Variants in CPNE7 observed in about 807,000 individuals in gnomAD.
CPNE7 encodes the protein copine 7.
A neutral mutation model predicts 66.5 loss-of-function variants in CPNE7; 78 were observed. The ratio of observed to expected loss-of-function variants is 1.17; its 90% CI spans 0.98 to 1.42. The LOEUF is 1.42. Ranked by LOEUF, CPNE7 falls within the 40% of genes most tolerant of loss-of-function variation. CPNE7 has a pLI of 0.00. For missense variants in CPNE7, 1,012 were observed against 776.6 expected, an observed-to-expected ratio of 1.30 and a Z score of -3.60; for synonymous variants, 468 against 336.7, an observed-to-expected ratio of 1.39 and a Z score of -4.27.
At position 89,584,885 on chromosome 16, in the gene CPNE7, G is replaced by A. The variant is rs575891638; in HGVS notation, c.591+28G>A. 1.6e-5 allele frequency: 25 copies of A among 1,592,770 alleles called. No individual in the cohort carries two copies. In the South Asian group the frequency reaches 2.5e-4, roughly 16 times the overall value. On this transcript the variant is annotated intron_variant, in intron 5 of 14. Transcript: ENST00000319518. This position sits in a 1 kb window ranked among gnomAD's most constrained non-coding sequence, Gnocchi z 6.0. ...GAGCGGCCGGGGATGGGAACACAGGGAGGGGAAGGGGCTGTCCCCAGCCCT... is the reference window on the plus strand; with the variant it reads ...GAGCGGCCGGGGATGGGAACACAGGAAGGGGAAGGGGCTGTCCCCAGCCCT...
intron 1 of CPNE7, 64 bp downstream of exon 1, chr16:89,576,135 C>T: frequency 1.6e-6 from 2 of 1,215,378 alleles, no homozygotes; most frequent in Non-Finnish European, 2.1e-6. Flanking sequence ...GCTGGGGATG[C>T]GGAGACCAGA....
In CPNE7 at chr16:89,588,750, C is replaced by G. The variant is rs752994497; in HGVS notation, c.1003C>G (p.Pro335Ala). 6 of 1,613,650 alleles carry G rather than the reference C, an allele frequency of 3.7e-6. No individual in the cohort carries two copies. In the African/African-American group the frequency reaches 8.0e-5, roughly 22 times the overall value. ...CSLHYINPYQPNEYLKALVSV... is the reference protein window; with the variant it reads ...CSLHYINPYQANEYLKALVSV... ...CCTGCACTACATCAACCCCTACCAGCCGAACGAGTACCTGAAGGCACTGGT... is the reference window on the plus strand; with the variant it reads ...CCTGCACTACATCAACCCCTACCAGGCGAACGAGTACCTGAAGGCACTGGT... The change falls in exon 10 of 15, where the codon CCG (proline) becomes GCG (alanine). Residue 335 changes from proline to alanine, a missense_variant. Physicochemically the swap from Pro to Ala is conservative, Grantham distance 27. Transcript: ENST00000319518.
At chr16:89,576,133 T>A in intron 1 of CPNE7, 62 bp downstream of exon 1, 1 of 1,219,312 alleles carries the variant, frequency 8.2e-7, no homozygotes, top group Middle Eastern at 3.2e-4. Context: ...GAGCTGGGGA[T>A]GCGGAGACCA....
Position 89,583,627 on chromosome 16 carries a change from C to T in CPNE7, c.358-70C>T, listed in dbSNP as rs1443575332. 33 of 1,605,484 alleles carry T rather than the reference C, an allele frequency of 2.1e-5. 1 individual carries two copies. Among genetic ancestry groups the T allele is most frequent in the Middle Eastern group, 1.7e-4 (1 of 6,036 alleles). On this transcript the variant is annotated intron_variant, in intron 2 of 14. Transcript: ENST00000319518. ...ACAGGCCTGAGAGTCCGGGTGAGGG[C>T]GCGGTGGGGTCTCCAGGGTCAGGAG...
chr16:89,589,975 C>G (rs763652647), intron 11 of CPNE7, 24 bp downstream of exon 11: 5 of 1,612,892 alleles, frequency 3.1e-6, no homozygotes, highest in Non-Finnish European at 4.2e-6. Flanking sequence ...GAACCTGAGA[C>G]CTCAGAGCTG....
In CPNE7 at chr16:89,596,714, C is replaced by T. The variant is rs1167832165; in HGVS notation, c.*93C>T. The T allele has an allele frequency of 5.9e-6, 8 of 1,351,466 alleles. No individual in the cohort carries two copies. Among genetic ancestry groups the T allele is most frequent in the Admixed American group, 6.2e-5 (2 of 32,222 alleles). 83.7% of individuals were successfully genotyped at this position (1,351,466 alleles called of 1,614,324 possible). A position where few individuals can be genotyped will look rare whatever the true frequency, so the allele number is the denominator to read the frequency against. ...TGGGGTCCCTTAAGCTCCCTCCGAC[C>T]TCCCAGAAGCCTCCAGTCCCCACCA... On this transcript the variant is annotated 3_prime_UTR_variant, in exon 15 of 15. Coordinates refer to ENST00000319518, the MANE Select transcript of CPNE7 (RefSeq NM_153636.3).
chr16:89,584,869 G>A lies in CPNE7; in HGVS notation c.591+12G>A. ...TGTACAGGACGGAGGTGAGCGGCCG[G>A]GGATGGGAACACAGGGAGGGGAAGG... On this transcript the variant is annotated intron_variant, in intron 5 of 14. Transcript: ENST00000319518. The surrounding 1 kb of genome is among the most constrained non-coding windows in gnomAD (Gnocchi z 6.0). 2 of 1,611,720 alleles carry A rather than the reference G, an allele frequency of 1.2e-6. No individual in the cohort carries two copies. The highest frequency in any genetic ancestry group is 2.2e-5 in the East Asian group (1 of 44,888).
At chr16:89,586,857 C>A in intron 8 of CPNE7, 101 bp downstream of exon 8, 1 of 1,207,912 alleles carries the variant, frequency 8.3e-7, no homozygotes, top group East Asian at 2.4e-5. Context: ...CCTGGTGGGC[C>A]CCAGCACGTC....
chr16:89,586,717 T>A lies in CPNE7; in HGVS notation c.828T>A (p.Ser276Arg), dbSNP rs1192327967. Reference sequence around the variant, plus strand: ...CCAAATACAAGCAGAAGAGACGCAGTTATAAGAACTCAGGAGTGGTCGTCC... The same window carrying A: ...CCAAATACAAGCAGAAGAGACGCAGATATAAGAACTCAGGAGTGGTCGTCC... ...VNPKYKQKRR[S>R]YKNSGVVVLA... Residue 276 changes from serine (S) to arginine (R), a missense_variant, in exon 8 of 15, where the codon AGT becomes AGA. Transcript: ENST00000319518. 6.2e-7 allele frequency: 1 copy of A among 1,611,982 alleles called. No homozygotes were observed. Among genetic ancestry groups the A allele is most frequent in the Non-Finnish European group, 8.5e-7 (1 of 1,179,444 alleles).
rs776843882 is a variant in CPNE7, at chr16:89,596,680, C to T, written c.*59C>T. ...AATGGGTCCGTACAGCCTCTGTCTGCAACATGCTTGGGGTCCCTTAAGCTC... is the reference window on the plus strand; with the variant it reads ...AATGGGTCCGTACAGCCTCTGTCTGTAACATGCTTGGGGTCCCTTAAGCTC... On this transcript the variant is annotated 3_prime_UTR_variant, in exon 15 of 15. Coordinates refer to ENST00000319518, the MANE Select transcript of CPNE7 (RefSeq NM_153636.3). 13 of 1,480,550 alleles carry T rather than the reference C, an allele frequency of 8.8e-6. No homozygotes were observed. Among genetic ancestry groups the T allele is most frequent in the African/African-American group, 4.3e-5 (3 of 70,450 alleles). 91.7% of individuals were successfully genotyped at this position (1,480,550 alleles called of 1,614,324 possible).
In CPNE7 at chr16:89,575,824, G is replaced by C. The variant is rs1164006641; in HGVS notation, c.-74G>C. The C allele has an allele frequency of 1.0e-5, 11 of 1,058,912 alleles. No individual in the cohort carries two copies. The highest frequency in any genetic ancestry group is 5.3e-5 in the East Asian group (1 of 18,784). The allele number at this position is 1,058,912 out of a possible 1,614,324, so 65.6% of individuals were successfully genotyped here. ...ACGCCTGGGCCGGCCACCATTTCCC[G>C]GGCGCCGCGGCGGCGCCGACTCGCG... On this transcript the variant is annotated 5_prime_UTR_variant, in exon 1 of 15. Coordinates refer to ENST00000319518, the MANE Select transcript of CPNE7 (RefSeq NM_153636.3).
chr16:89,583,902 G>A (rs1161116318), intron 3 of CPNE7, 126 bp from the exon 4 acceptor site: 40 of 1,435,512 alleles, frequency 2.8e-5, no homozygotes, highest in Admixed American at 9.9e-5. Context: ...ACACAGCCCC[G>A]GGGGTACACA....
In CPNE7 at chr16:89,583,360, C is replaced by T; in HGVS notation, c.358-337C>T. The T allele has an allele frequency of 5.2e-6, 7 of 1,351,266 alleles. No homozygotes were observed. In the South Asian group the frequency reaches 8.7e-5, roughly 17 times the overall value. The allele number at this position is 1,351,266 out of a possible 1,614,324, so 83.7% of individuals were successfully genotyped here. On this transcript the variant is annotated intron_variant, in intron 2 of 14. Coordinates refer to ENST00000319518, the MANE Select transcript of CPNE7 (RefSeq NM_153636.3). ...CTGCTTACCTGTGGAGGGGCGTCCGCCACACCTGTGCAGGTGCAGGCCAGC... is the reference window on the plus strand; with the variant it reads ...CTGCTTACCTGTGGAGGGGCGTCCGTCACACCTGTGCAGGTGCAGGCCAGC...
intron 13 of CPNE7, 117 bp downstream of exon 13, chr16:89,591,377 C>T: frequency 5.8e-6 from 8 of 1,373,850 alleles, no homozygotes; most frequent in Non-Finnish European, 7.7e-6. Flanking sequence ...GGCCCCCAGG[C>T]AGGACAGAGC....
At chr16:89,585,121 T>C (rs529989121) in intron 5 of CPNE7, among the ~76,000 whole-genome samples, 2 of 152,258 alleles carry the variant, frequency 1.3e-5, no homozygotes, top group South Asian at 4.1e-4. Context: ...GCAGGTGAAA[T>C]GGGATTTCAG....
chr16:89,577,616 G>A lies in CPNE7; in HGVS notation c.252G>A (p.Glu84=). The A allele has an allele frequency of 6.4e-7, 1 of 1,568,874 alleles. No homozygotes were observed. The highest frequency in any genetic ancestry group is 8.6e-7 in the Non-Finnish European group (1 of 1,156,398). Residue 84 remains glutamate (E), a synonymous_variant, in exon 2 of 15, where the codon GAG becomes GAA. Transcript: ENST00000319518. Reference sequence around the variant, plus strand: ...TCTTCACGGTGGACTACTACTTCGAGGAGGTGCAGAGGCTGCGCTTTGAGG... The same window carrying A: ...TCTTCACGGTGGACTACTACTTCGAAGAGGTGCAGAGGCTGCGCTTTGAGG... ...SKVFTVDYYF[E]EVQRLRFEVY...
rs185726444 is a variant in CPNE7 at position 89,584,178 on chromosome 16, C to G, written c.507+76C>G. The G allele has an allele frequency of 6.9e-7, 1 of 1,445,966 alleles. No individual in the cohort carries two copies. Among genetic ancestry groups the G allele is most frequent in the Admixed American group, 2.0e-5 (1 of 50,512 alleles). 89.6% of individuals were successfully genotyped at this position (1,445,966 alleles called of 1,614,324 possible). Reference sequence around the variant, plus strand: ...GTTCGAAAACCCGGTCCCTGCCCAGCGCTGACCTCGCGTGGCTATGTCCCG... The same window carrying G: ...GTTCGAAAACCCGGTCCCTGCCCAGGGCTGACCTCGCGTGGCTATGTCCCG... On this transcript the variant is annotated intron_variant, in intron 4 of 14. Coordinates refer to ENST00000319518, the MANE Select transcript of CPNE7 (RefSeq NM_153636.3). This position sits in a 1 kb window ranked among gnomAD's most constrained non-coding sequence, Gnocchi z 6.0.
At chr16:89,577,809 C>A in intron 2 of CPNE7, 88 bp downstream of exon 2, 1 of 1,423,602 alleles carries the variant, frequency 7.0e-7, no homozygotes, top group Non-Finnish European at 9.5e-7. Context: ...ACCGCAGGGA[C>A]CCTGCTGGGG....
intron 2 of CPNE7, among the ~76,000 whole-genome samples, chr16:89,578,630 T>C (rs2058898282): frequency 6.7e-6 from 1 of 150,118 alleles, no homozygotes; most frequent in Non-Finnish European, 1.5e-5. Flanking sequence ...CATGGTGGCA[T>C]GTGCCTGTAA....
Sources: gnomAD v4.1 joint callset for allele counts (sites outside exome capture counted in the v4.1 genomes callset) on GRCh38, gnomAD v4.1.1 for gene constraint, Gnocchi (gnomAD v3.1) non-coding constraint, MANE v1.5 for transcripts, NCBI Gene and HGNC (gene_info 2026-07-23, HGNC 2026-07-21) for gene names.